RANBP2: variants seen among roughly 807,000 people sequenced by gnomAD.
RANBP2 encodes the protein RAN binding protein 2.
In RANBP2, 57 loss-of-function variants were observed where a neutral mutation model predicts 303.6. That is an observed-to-expected ratio of 0.19 (90% CI 0.15 to 0.23). The LOEUF (loss-of-function observed/expected upper bound fraction) is 0.23, where lower values mean the gene tolerates loss of function less well. Among genes scored for constraint, RANBP2 ranks in the 10% least tolerant of loss-of-function variants. RANBP2 has a pLI of 1.00. For synonymous variants in RANBP2, 1,167 were observed against 1,301.5 expected (o/e 0.90, Z 2.23); for missense variants, 3,138 against 3,780.8 (o/e 0.83, Z 4.46).
the RANBP2 span, among the ~76,000 whole-genome samples, chr2:109,320,476 T>G: frequency 2.6e-5 from 4 of 152,164 alleles, no homozygotes; most frequent in Non-Finnish European, 5.9e-5. Context: ...TCCTCACGTC[T>G]TCTTAACCAA....
the RANBP2 span, among the ~76,000 whole-genome samples, chr2:108,791,260 C>G: frequency 3.3e-5 from 5 of 152,080 alleles, no homozygotes; most frequent in Non-Finnish European, 5.9e-5. Flanking sequence ...GGAGACAACA[C>G]CTGGAATTCT....
chr2:108,852,447 A>C, the RANBP2 span, among the ~76,000 whole-genome samples: 1 of 152,206 alleles, frequency 6.6e-6, no homozygotes, highest in Non-Finnish European at 1.5e-5. Context: ...GGACACATGC[A>C]TGTGTTGTGT....
At chr2:109,183,207 C>A in the RANBP2 span, among the ~76,000 whole-genome samples, 1 of 152,222 alleles carries the variant, frequency 6.6e-6, no homozygotes, top group Admixed American at 6.5e-5. Flanking sequence ...TCTGTGTTAA[C>A]TTGCCTTCTT....
the RANBP2 span, among the ~76,000 whole-genome samples, chr2:109,225,943 CAA>C: frequency 6.6e-6 from 1 of 152,160 alleles, no homozygotes; most frequent in African/African-American, 2.4e-5. Context: ...AGTTTGCTTT[CAA>C]AGAGTCCCTA....
the RANBP2 span, among the ~76,000 whole-genome samples, chr2:108,913,281 G>T: frequency 6.6e-6 from 1 of 151,980 alleles, no homozygotes; most frequent in Admixed American, 6.6e-5. Flanking sequence ...ACACTCATGT[G>T]ATAAGTCTGC....
intron 2 of RANBP2, among the ~76,000 whole-genome samples, chr2:108,729,742 A>G (rs1307456872): frequency 6.9e-6 from 1 of 145,290 alleles, no homozygotes; most frequent in African/African-American, 2.6e-5. Context: ...TTTAGGCAGT[A>G]TCTGTCTCTC....
the RANBP2 span, among the ~76,000 whole-genome samples, chr2:109,252,880 T>C: frequency 6.6e-6 from 1 of 152,208 alleles, no homozygotes; most frequent in African/African-American, 2.4e-5. Flanking sequence ...GGGTATTGTA[T>C]TGTACCATCA....
the RANBP2 span, among the ~76,000 whole-genome samples, chr2:109,412,063 C>T: frequency 6.6e-6 from 1 of 152,220 alleles, no homozygotes; most frequent in Non-Finnish European, 1.5e-5. Flanking sequence ...CCCGAGCCTC[C>T]TGACACCGAG....
chr2:109,065,093 T>C, the RANBP2 span, among the ~76,000 whole-genome samples: 5 of 152,130 alleles, frequency 3.3e-5, no homozygotes, highest in Admixed American at 1.3e-4. Flanking sequence ...ATTAAGCCAA[T>C]GAAAAGGCAT....
the RANBP2 span, among the ~76,000 whole-genome samples, chr2:109,078,242 AGC>A: frequency 3.2e-5 from 1 of 30,972 alleles, no homozygotes; most frequent in African/African-American, 1.4e-4. Context: ...ATATATATAT[AGC>A]GTGTATATAT....
chr2:109,017,649 A>T, the RANBP2 span, among the ~76,000 whole-genome samples: 2 of 152,102 alleles, frequency 1.3e-5, no homozygotes, highest in Admixed American at 6.5e-5. Context: ...TTTTTGTAAC[A>T]ATTTATTTAT....
chr2:108,930,220 C>T, the RANBP2 span: 18 of 1,613,962 alleles, frequency 1.1e-5, no homozygotes, highest in African/African-American at 1.3e-5. Flanking sequence ...GTATTCCGCT[C>T]GGGCTGAGCA....
the RANBP2 span, chr2:109,553,307 G>A: frequency 2.2e-6 from 3 of 1,365,382 alleles, no homozygotes; most frequent in Non-Finnish European, 3.0e-6. Context: ...CACTTTGGGA[G>A]GCCGAGGCAG....
chr2:108,793,842 T>A, the RANBP2 span, among the ~76,000 whole-genome samples: 6 of 151,974 alleles, frequency 3.9e-5, no homozygotes, highest in East Asian at 1.2e-3. Flanking sequence ...GACCTCATGA[T>A]CCGCCCGCCT....
At chr2:109,295,437 C>T in the RANBP2 span, among the ~76,000 whole-genome samples, 641 of 152,312 alleles carry the variant, frequency 4.2e-3, 2 homozygotes, top group African/African-American at 0.014. Context: ...GGGCGGGAGC[C>T]GAGGGGCACG....
the RANBP2 span, among the ~76,000 whole-genome samples, chr2:109,229,280 A>T: frequency 6.6e-6 from 1 of 152,198 alleles, no homozygotes; most frequent in African/African-American, 2.4e-5. Flanking sequence ...AGTATGAGGA[A>T]TTCTGACATA....
At chr2:109,295,483 G>T in the RANBP2 span, among the ~76,000 whole-genome samples, 1 of 152,236 alleles carries the variant, frequency 6.6e-6, no homozygotes, top group South Asian at 2.1e-4. Flanking sequence ...GTGAGGCTGG[G>T]AAAGGAAGCA....
the RANBP2 span, chr2:108,908,054 C>G: frequency 6.3e-7 from 1 of 1,577,664 alleles, no homozygotes; most frequent in South Asian, 1.2e-5. Flanking sequence ...TTAGCAGTGC[C>G]TGGGGGGGCT....
At chr2:109,582,125 C>T in the RANBP2 span, among the ~76,000 whole-genome samples, 1 of 151,274 alleles carries the variant, frequency 6.6e-6, no homozygotes, top group Non-Finnish European at 1.5e-5. Context: ...CACTCTCACG[C>T]AAAAACCTAG....
Sources: gnomAD v4.1 joint callset for allele counts (sites outside exome capture counted in the v4.1 genomes callset) on GRCh38, gnomAD v4.1.1 for gene constraint, MANE v1.5 for transcripts, NCBI Gene and HGNC (gene_info 2026-07-23, HGNC 2026-07-21) for gene names.